The following MTARC1 variants were observed in gnomAD, a reference collection of about 807,000 sequenced individuals.
The protein encoded by MTARC1 is mitochondrial amidoxime-reducing component 1.
A neutral mutation model predicts 33.6 loss-of-function variants in MTARC1; 24 were observed. The observed-to-expected ratio is 0.72, with a 90% CI of 0.52 to 1.01. The LOEUF (loss-of-function observed/expected upper bound fraction) is 1.01. MTARC1 is among the 50% of genes least tolerant of loss of function. MTARC1 has a pLI of 0.00. For synonymous variants in MTARC1, 187 were observed against 189.5 expected (o/e 0.99, Z 0.11); for missense variants, 417 against 445.7 (o/e 0.94, Z 0.58).
At position 220,818,016 on chromosome 1, in the gene MTARC1, G is replaced by A. The variant is rs1330969188; in HGVS notation, c.*4598G>A. 6.6e-6 allele frequency: 1 copy of A among 152,212 alleles called. No homozygotes were observed. The highest frequency in any genetic ancestry group is 1.5e-5 in the Non-Finnish European group (1 of 68,052). The allele number at this position is 152,212 out of a possible 1,614,324, so 9.4% of individuals were successfully genotyped here. A position where few individuals can be genotyped will look rare whatever the true frequency, so the allele number is the denominator to read the frequency against. On this transcript the variant is annotated 3_prime_UTR_variant, in exon 7 of 7. Coordinates refer to ENST00000366910, the MANE Select transcript of MTARC1 (RefSeq NM_022746.4). ...AAAGCACTACTGTGCTTTGCTGTCT[G>A]CAAGAACAGAGATTGTTTGCTTCAA...
chr1:220,798,456 C>G, intron 4 of MTARC1: 1 of 985,374 alleles, frequency 1.0e-6, no homozygotes, highest in Non-Finnish European at 1.2e-6. Flanking sequence ...GGTTGTTGCC[C>G]CTAAGCTTCA....
rs111250912 is a variant in MTARC1 at position 220,788,949 on chromosome 1, G to A, written c.275+1730G>A. 7.3e-3 allele frequency among the ~76,000 whole-genome samples: 1,112 copies of A among 152,208 alleles called. 16 individuals carry two copies. The highest frequency in any genetic ancestry group is 0.026 in the African/African-American group (1,067 of 41,494). ...TTACAATAGATGACAAGAAGAGCTG[G>A]CCTTTGTACCAGACACTATGATAAA... On this transcript the variant is annotated intron_variant, in intron 1 of 6. Coordinates refer to ENST00000366910, the MANE Select transcript of MTARC1 (RefSeq NM_022746.4).
At chr1:220,806,160 C>T (rs1041098957) in intron 6 of MTARC1, among the ~76,000 whole-genome samples, 2 of 152,202 alleles carry the variant, frequency 1.3e-5, no homozygotes, top group African/African-American at 4.8e-5. Flanking sequence ...GTTTAGCATA[C>T]AAGCACTTCA....
chr1:220,789,004 A>G (rs912237863), intron 1 of MTARC1, among the ~76,000 whole-genome samples: 10 of 152,024 alleles, frequency 6.6e-5, no homozygotes, highest in African/African-American at 2.2e-4. Context: ...ACACACTCCC[A>G]GAAAGTGTGA....
chr1:220,798,310 A>G (rs1045591906), intron 4 of MTARC1: 2 of 1,283,750 alleles, frequency 1.6e-6, no homozygotes, highest in South Asian at 1.4e-5. Flanking sequence ...TGCATAGACT[A>G]CATGATCTGT....
chr1:220,793,617 G>A (rs1305532927), intron 2 of MTARC1: 2 of 152,170 alleles, frequency 1.3e-5, no homozygotes, highest in African/African-American at 4.8e-5. Flanking sequence ...ATCACAGGCA[G>A]TACACCTGTT....
At chr1:220,808,838 A>T (rs779355618) in intron 6 of MTARC1, 294 of 471,066 alleles carry the variant, frequency 6.2e-4, no homozygotes, top group Non-Finnish European at 1.1e-3. Flanking sequence ...TGAAAATGGA[A>T]TTTTTCTTTT....
At position 220,791,359 on chromosome 1, in the gene MTARC1, A is replaced by G. The variant is rs961795428; in HGVS notation, c.276-132A>G. 6 of 921,348 alleles carry G rather than the reference A, an allele frequency of 6.5e-6. No homozygotes were observed. In the Admixed American group the frequency reaches 1.1e-4, roughly 17 times the overall value. 57.1% of individuals were successfully genotyped at this position (921,348 alleles called of 1,614,324 possible). A position where few individuals can be genotyped will look rare whatever the true frequency, so the allele number is the denominator to read the frequency against. ...TGATGTTTAGGACAGACAGACACAC[A>G]CACTCAAACTCACACACACCAGGCT... On this transcript the variant is annotated intron_variant, in intron 1 of 6. Transcript: ENST00000366910.
chr1:220,811,215 G>A (rs998531965), intron 6 of MTARC1, among the ~76,000 whole-genome samples: 1 of 152,238 alleles, frequency 6.6e-6, no homozygotes, highest in East Asian at 1.9e-4. Flanking sequence ...CAGGCTAGGA[G>A]AGATGCCTGG....
chr1:220,811,153 T>C (rs1412962783), intron 6 of MTARC1, among the ~76,000 whole-genome samples: 1 of 152,176 alleles, frequency 6.6e-6, no homozygotes, highest in Non-Finnish European at 1.5e-5. Flanking sequence ...GGTCACCCTC[T>C]GACAGATAGA....
At chr1:220,808,187 T>G (rs1304659849) in intron 6 of MTARC1, among the ~76,000 whole-genome samples, 1 of 152,206 alleles carries the variant, frequency 6.6e-6, no homozygotes, top group African/African-American at 2.4e-5. Flanking sequence ...TTCACGTGTT[T>G]GGGCTTGTTC....
intron 2 of MTARC1, 50 bp downstream of exon 2, chr1:220,791,714 T>G (rs1312891851): frequency 6.3e-7 from 1 of 1,588,456 alleles, no homozygotes; most frequent in Non-Finnish European, 8.6e-7. Flanking sequence ...AGTCATGCAA[T>G]TTTGAGAAAG....
chr1:220,796,764 C>T lies in MTARC1; in HGVS notation c.571C>T (p.Arg191Cys), dbSNP rs747401231. Reference protein sequence around the residue: ...VHFEPHMRPRRPHQIADLFRP... With the variant: ...VHFEPHMRPRCPHQIADLFRP... ...CTTCGAGCCTCACATGCGACCGAGA[C>T]GTCCTCATCAAATAGCAGACTTGTT... The change falls in exon 3 of 7, where the codon CGT (arginine) becomes TGT (cysteine). Residue 191 changes from arginine (R) to cysteine (C), a missense_variant. By Grantham distance (180) the Arg-to-Cys change is radical (BLOSUM62 -3). Coordinates refer to ENST00000366910, the MANE Select transcript of MTARC1 (RefSeq NM_022746.4). 1.6e-5 allele frequency: 25 copies of T among 1,612,556 alleles called. No individual in the cohort carries two copies. The highest frequency in any genetic ancestry group is 1.6e-4 in the Middle Eastern group (1 of 6,078).
In MTARC1 at chr1:220,792,649, C is replaced by CA. The variant is rs1173517332; in HGVS notation, c.449+987dup. ...TCATTGTTGAAAATTTGGGAAATACCAAGAAAAAAAAAAAAAAGAAACAAA... is the reference window on the plus strand; with the variant it reads ...TCATTGTTGAAAATTTGGGAAATACCAAAGAAAAAAAAAAAAAAGAAACAAA... On this transcript the variant is annotated intron_variant, in intron 2 of 6. Transcript: ENST00000366910. Among the ~76,000 whole-genome samples the CA allele has an allele frequency of 5.5e-5, 7 of 127,798 alleles. No homozygotes were observed. In the East Asian group the frequency reaches 8.1e-4, roughly 15 times the overall value. The allele number at this position is 127,798 out of a possible 152,430, so 83.8% of individuals were successfully genotyped here. A position where few individuals can be genotyped will look rare whatever the true frequency, so the allele number is the denominator to read the frequency against.
intron 4 of MTARC1, chr1:220,798,558 T>C (rs1192807544): frequency 1.0e-6 from 1 of 985,340 alleles, no homozygotes; most frequent in Admixed American, 6.1e-5. Context: ...GAGGCTTGGT[T>C]TCTGGGATTC....
At position 220,787,212 on chromosome 1, in the gene MTARC1, C is replaced by T. The variant is rs1206923904; in HGVS notation, c.268C>T (p.Arg90Trp). ...TAMGLRSGNL[R>W]DRFWLVINQE... ...CATGGGGCTGCGCAGCGGCAACCTGCGGGACAGGTACGGCCAAGCGCCGGC... is the reference window on the plus strand; with the variant it reads ...CATGGGGCTGCGCAGCGGCAACCTGTGGGACAGGTACGGCCAAGCGCCGGC... The change falls in exon 1 of 7, where the codon CGG becomes TGG. Residue 90 changes from arginine to tryptophan, a missense_variant. Arg to Trp is a moderately radical substitution (Grantham distance 101). Transcript: ENST00000366910. 2 of 1,570,260 alleles carry T rather than the reference C, an allele frequency of 1.3e-6. No individual in the cohort carries two copies. The highest frequency in any genetic ancestry group is 1.7e-6 in the Non-Finnish European group (2 of 1,159,226).
In MTARC1 at chr1:220,796,780, C is replaced by T. The variant is rs759981317; in HGVS notation, c.587C>T (p.Ala196Val). 5 of 1,611,476 alleles carry T rather than the reference C, an allele frequency of 3.1e-6. No homozygotes were observed. Among genetic ancestry groups the T allele is most frequent in the East Asian group, 2.2e-5 (1 of 44,714 alleles). Residue 196 changes from alanine (A) to valine (V), a missense_variant, in exon 3 of 7, where the codon GCA becomes GTA. Coordinates refer to ENST00000366910, the MANE Select transcript of MTARC1 (RefSeq NM_022746.4). ...CGACCGAGACGTCCTCATCAAATAGCAGACTTGTTCCGACCCAAGGACCAG... is the reference window on the plus strand; with the variant it reads ...CGACCGAGACGTCCTCATCAAATAGTAGACTTGTTCCGACCCAAGGACCAG... ...HMRPRRPHQI[A>V]DLFRPKDQIA... is the part of the protein sequence containing the mutation.
chr1:220,814,365 G>A lies in MTARC1; in HGVS notation c.*947G>A, dbSNP rs1673231882. ...AAACTTGAAAAATGTTTTTAAAACT[G>A]TGAATAAATGGAAGCTACTTTGACT... On this transcript the variant is annotated 3_prime_UTR_variant, in exon 7 of 7. Coordinates refer to ENST00000366910, the MANE Select transcript of MTARC1 (RefSeq NM_022746.4). The A allele has an allele frequency of 1.3e-5, 2 of 152,196 alleles. No individual in the cohort carries two copies. Among genetic ancestry groups the A allele is most frequent in the African/African-American group, 2.4e-5 (1 of 41,448 alleles). The allele number at this position is 152,196 out of a possible 1,614,324, so 9.4% of individuals were successfully genotyped here.
In MTARC1 at chr1:220,799,000, C is replaced by T. The variant is rs937171193; in HGVS notation, c.753+986C>T. ...ATGTGACGGCTGGTTTCAGCTTCTG[C>T]ACTGGCTTCTGCATGACTTTGAGCA... On this transcript the variant is annotated intron_variant, in intron 4 of 6. Transcript: ENST00000366910. The T allele has an allele frequency of 1.8e-5, 18 of 985,372 alleles. No individual in the cohort carries two copies. The African/African-American group carries it at 2.8e-4, about 15-fold the overall frequency. 61.0% of individuals were successfully genotyped at this position (985,372 alleles called of 1,614,324 possible).
Sources: allele counts gnomAD v4.1 joint callset (sites outside exome capture counted in the v4.1 genomes callset), GRCh38; gene constraint gnomAD v4.1.1; transcripts MANE v1.5; gene names NCBI Gene and HGNC (gene_info 2026-07-23, HGNC 2026-07-21).